Variants in SKAP2 observed in about 807,000 individuals in gnomAD.
SKAP2 encodes the protein src kinase associated phosphoprotein 2.
SKAP2 carries 28 observed loss-of-function variants against 54.9 expected under a neutral mutation model. The ratio of observed to expected loss-of-function variants is 0.51; its 90% CI spans 0.38 to 0.70. The LOEUF (loss-of-function observed/expected upper bound fraction) is 0.70. Among genes scored for constraint, SKAP2 ranks in the 30% least tolerant of loss-of-function variants. The pLI, the probability that SKAP2 is intolerant of heterozygous loss-of-function variation, is 0.00. For synonymous variants in SKAP2, 137 were observed against 134.3 expected (o/e 1.02, Z -0.14); for missense variants, 356 against 424.1 (o/e 0.84, Z 1.41).
chr7:26,703,575 T>TAGG (rs1487870920), intron 9 of SKAP2, among the ~76,000 whole-genome samples: 2 of 152,194 alleles, frequency 1.3e-5, no homozygotes, highest in East Asian at 3.8e-4. Context: ...TCACTAGCTA[T>TAGG]ACAAACTTAG....
intron 9 of SKAP2, among the ~76,000 whole-genome samples, chr7:26,720,517 C>A (rs181428567): frequency 2.6e-5 from 4 of 152,008 alleles, no homozygotes; most frequent in Admixed American, 6.5e-5. Flanking sequence ...CTTCGGATAA[C>A]CCTCTAAGCA....
intron 4 of SKAP2, among the ~76,000 whole-genome samples, chr7:26,780,848 C>T (rs1348248968): frequency 2.0e-5 from 3 of 152,014 alleles, no homozygotes; most frequent in Non-Finnish European, 4.4e-5. Flanking sequence ...AATCTTTTCC[C>T]TAACTTGCTC....
At chr7:26,811,536 T>C (rs1338224834) in intron 4 of SKAP2, among the ~76,000 whole-genome samples, 5 of 152,188 alleles carry the variant, frequency 3.3e-5, no homozygotes, top group African/African-American at 1.2e-4. Flanking sequence ...TGGACCTATA[T>C]GTAAAAACTT....
intron 9 of SKAP2, among the ~76,000 whole-genome samples, chr7:26,693,084 C>T (rs1786820287): frequency 6.6e-6 from 1 of 152,066 alleles, no homozygotes; most frequent in Non-Finnish European, 1.5e-5. Flanking sequence ...GTAATCCCAG[C>T]ACTTTGAGAG....
chr7:26,762,939 TAAC>T (rs1212757965), intron 4 of SKAP2, among the ~76,000 whole-genome samples: 1 of 152,148 alleles, frequency 6.6e-6, no homozygotes, highest in Non-Finnish European at 1.5e-5. Context: ...TTCCAGTATG[TAAC>T]AACATTGGCC....
intron 6 of SKAP2, among the ~76,000 whole-genome samples, chr7:26,729,727 A>G (rs550754506): frequency 6.6e-6 from 1 of 152,246 alleles, no homozygotes; most frequent in South Asian, 2.1e-4. Context: ...AAGGGACAAA[A>G]GGGAGTATGA....
chr7:26,679,294 T>C (rs564684705), intron 11 of SKAP2, among the ~76,000 whole-genome samples: 12 of 152,284 alleles, frequency 7.9e-5, no homozygotes, highest in South Asian at 2.1e-4. Context: ...TAAGAGAAAG[T>C]AGGGAAGTAC....
At chr7:26,832,917 T>C (rs1784625633) in intron 4 of SKAP2, among the ~76,000 whole-genome samples, 1 of 152,166 alleles carries the variant, frequency 6.6e-6, no homozygotes, top group Admixed American at 6.5e-5. Flanking sequence ...GCTAGAACCC[T>C]TGGGTCCATC....
chr7:26,764,982 T>C, intron 4 of SKAP2, among the ~76,000 whole-genome samples: 1 of 152,218 alleles, frequency 6.6e-6, no homozygotes, highest in South Asian at 2.1e-4. Context: ...TATAATCCTT[T>C]GAGTATACAC....
At position 26,679,458 on chromosome 7, in the gene SKAP2, A is replaced by G. The variant is rs182374783; in HGVS notation, c.987+5278T>C. ...TTGGCCTGGTTAATGCTTCCAGTGT[A>G]CTCTAGACCATACATCCATACTGAC... On this transcript the variant is annotated intron_variant, in intron 11 of 12. Transcript: ENST00000345317. 1.2e-4 allele frequency among the ~76,000 whole-genome samples: 18 copies of G among 152,276 alleles called. No homozygotes were observed. The East Asian group carries it at 2.3e-3, about 20-fold the overall frequency.
chr7:26,679,020 C>CTTTAAGTG (rs1224417491), intron 11 of SKAP2, among the ~76,000 whole-genome samples: 1 of 152,138 alleles, frequency 6.6e-6, no homozygotes, highest in East Asian at 1.9e-4. Flanking sequence ...CAACGTAGTG[C>CTTTAAGTG]TTTTCTTTAA....
chr7:26,826,301 A>G (rs1350474139), intron 4 of SKAP2, among the ~76,000 whole-genome samples: 2 of 152,184 alleles, frequency 1.3e-5, no homozygotes, highest in Non-Finnish European at 2.9e-5. Context: ...CTATGGGTAC[A>G]GTGTCTCTAA....
At chr7:26,861,681 G>A (rs182058376) in intron 1 of SKAP2, among the ~76,000 whole-genome samples, 7 of 147,242 alleles carry the variant, frequency 4.8e-5, no homozygotes, top group African/African-American at 1.8e-4. Flanking sequence ...GAAAAAGGGA[G>A]AGGGAACAAA....
chr7:26,863,346 A>C (rs1353724236), intron 1 of SKAP2, among the ~76,000 whole-genome samples: 1 of 152,224 alleles, frequency 6.6e-6, no homozygotes, highest in African/African-American at 2.4e-5. Context: ...CTAGTTATTC[A>C]TAAGCAATAC....
intron 4 of SKAP2, among the ~76,000 whole-genome samples, chr7:26,813,771 A>T (rs1224197134): frequency 1.3e-5 from 2 of 152,252 alleles, no homozygotes; most frequent in African/African-American, 4.8e-5. Flanking sequence ...AGCTCAGGCT[A>T]CAAGAAATTG....
At chr7:26,738,629 C>G (rs757437778) in intron 6 of SKAP2, among the ~76,000 whole-genome samples, 166 bp downstream of exon 6, 1 of 151,952 alleles carries the variant, frequency 6.6e-6, no homozygotes, top group Non-Finnish European at 1.5e-5. Context: ...GTATTTGGAG[C>G]ATTTGTCAAA....
chr7:26,718,373 T>C (rs1194317642), intron 9 of SKAP2, among the ~76,000 whole-genome samples: 1 of 152,052 alleles, frequency 6.6e-6, no homozygotes, highest in Non-Finnish European at 1.5e-5. Flanking sequence ...CTCTTTTTTG[T>C]TTTAAAACTT....
chr7:26,682,222 G>A (rs1301563197), intron 11 of SKAP2, among the ~76,000 whole-genome samples: 1 of 152,132 alleles, frequency 6.6e-6, no homozygotes, highest in Non-Finnish European at 1.5e-5. Context: ...GTTTGCCAAA[G>A]TTTCAATAAA....
chr7:26,733,099 C>A (rs1292164112), intron 6 of SKAP2, among the ~76,000 whole-genome samples: 2 of 151,092 alleles, frequency 1.3e-5, no homozygotes, highest in African/African-American at 4.9e-5. Flanking sequence ...CCACTGCACT[C>A]TGGCCTGGGC....
Sources: gnomAD v4.1 joint callset for allele counts (sites outside exome capture counted in the v4.1 genomes callset) on GRCh38, gnomAD v4.1.1 for gene constraint, MANE v1.5 for transcripts, NCBI Gene and HGNC (gene_info 2026-07-23, HGNC 2026-07-21) for gene names.